Variants in NME7 observed in about 807,000 individuals in gnomAD.
NME7 encodes the protein NME/NM23 family member 7.
Under a neutral mutation model 49.1 loss-of-function variants are expected in NME7, and 41 were observed. That is an observed-to-expected ratio of 0.83 (90% CI 0.65 to 1.08). The LOEUF is 1.08. Ranked by LOEUF, NME7 falls within the 50% of genes least tolerant of loss-of-function variation. The pLI is 0.00. For synonymous variants in NME7, 139 were observed against 150.6 expected, an observed-to-expected ratio of 0.92 and a Z score of 0.56; for missense variants, 423 against 463.4, an observed-to-expected ratio of 0.91 and a Z score of 0.80.
At chr1:169,291,835 T>C (rs888513119) in intron 6 of NME7, among the ~76,000 whole-genome samples, 3 of 151,992 alleles carry the variant, frequency 2.0e-5, no homozygotes, top group Non-Finnish European at 2.9e-5. Context: ...ATTGATATAT[T>C]CATAGTTTTT....
chr1:169,327,262 A>G (rs939282407), intron 1 of NME7, among the ~76,000 whole-genome samples: 22 of 152,244 alleles, frequency 1.4e-4, no homozygotes, highest in Admixed American at 1.0e-3. Flanking sequence ...TCTTCCCTGA[A>G]GATTCCAACT....
chr1:169,204,093 C>A (rs530629072), intron 10 of NME7, among the ~76,000 whole-genome samples: 1 of 151,992 alleles, frequency 6.6e-6, no homozygotes, highest in East Asian at 1.9e-4. Flanking sequence ...TGGCTTCAAG[C>A]AGTCCTCCCA....
At chr1:169,328,879 C>T (rs1652159706) in intron 1 of NME7, among the ~76,000 whole-genome samples, 1 of 151,982 alleles carries the variant, frequency 6.6e-6, no homozygotes, top group South Asian at 2.1e-4. Context: ...ATCATAATAC[C>T]CAAGACTTTT....
chr1:169,300,458 A>G (rs183455290), intron 5 of NME7, among the ~76,000 whole-genome samples: 1 of 152,288 alleles, frequency 6.6e-6, no homozygotes, highest in Non-Finnish European at 1.5e-5. Context: ...CTGATGTAAC[A>G]TTCTTTCTTA....
intron 1 of NME7, among the ~76,000 whole-genome samples, chr1:169,363,936 A>G (rs1653755931): frequency 6.6e-6 from 1 of 152,194 alleles, no homozygotes; most frequent in African/African-American, 2.4e-5. Context: ...ACAGGCAAAA[A>G]CCAAAAACAG....
chr1:169,233,942 CTTCT>C (rs141032506), intron 9 of NME7, among the ~76,000 whole-genome samples: 9,421 of 151,498 alleles, frequency 0.062, 380 homozygotes, highest in East Asian at 0.12. Flanking sequence ...TTCTTTCTTT[CTTCT>C]TTTTCTCTCT....
chr1:169,273,705 T>C (rs1351187130), intron 7 of NME7, among the ~76,000 whole-genome samples: 1 of 121,388 alleles, frequency 8.2e-6, no homozygotes, highest in African/African-American at 2.7e-5. Context: ...AGTGAGAACA[T>C]GCGGTGTTTG....
At chr1:169,142,671 G>A (rs1256524354) in intron 11 of NME7, among the ~76,000 whole-genome samples, 1 of 152,094 alleles carries the variant, frequency 6.6e-6, no homozygotes, top group Non-Finnish European at 1.5e-5. Context: ...TTCCTTCTTT[G>A]GGCAACACAT....
intron 8 of NME7, among the ~76,000 whole-genome samples, chr1:169,236,706 T>C (rs1460439466): frequency 7.1e-6 from 1 of 140,870 alleles, no homozygotes; most frequent in Non-Finnish European, 1.5e-5. Context: ...CTCAATGACT[T>C]TGTAAACTAT....
intron 1 of NME7, among the ~76,000 whole-genome samples, chr1:169,352,705 T>C (rs1653223163): frequency 6.6e-6 from 1 of 152,024 alleles, no homozygotes; most frequent in African/African-American, 2.4e-5. Flanking sequence ...AACTGATAAA[T>C]CCAGTAAAGT....
chr1:169,181,603 T>C (rs1240893564), intron 10 of NME7, among the ~76,000 whole-genome samples: 2 of 152,164 alleles, frequency 1.3e-5, no homozygotes, highest in Non-Finnish European at 2.9e-5. Context: ...AAAATGCTCA[T>C]GTCTCTCCCA....
At chr1:169,232,145 C>T (rs757282968) in intron 9 of NME7, among the ~76,000 whole-genome samples, 7 of 152,050 alleles carry the variant, frequency 4.6e-5, no homozygotes, top group Non-Finnish European at 8.8e-5. Flanking sequence ...GATCCAAATA[C>T]AACGTCTAGA....
intron 7 of NME7, chr1:169,287,076 C>T: frequency 2.2e-6 from 1 of 460,254 alleles, no homozygotes; most frequent in Non-Finnish European, 3.8e-6. Context: ...TGAGCCTGAG[C>T]ATGATCAGCA....
In NME7 at chr1:169,307,153, C is replaced by T. The variant is rs541467485; in HGVS notation, c.389+2817G>A. On this transcript the variant is annotated intron_variant, in intron 4 of 11. Transcript: ENST00000367811. Reference sequence around the variant, plus strand: ...AGATTTTTAGGAGAGAGCTAAAATACGCTATATCGTGACCCTGTGACATAA... The same window carrying T: ...AGATTTTTAGGAGAGAGCTAAAATATGCTATATCGTGACCCTGTGACATAA... Among the ~76,000 whole-genome samples the T allele has an allele frequency of 7.2e-5, 11 of 152,224 alleles. No homozygotes were observed. The East Asian group carries it at 7.7e-4, about 11-fold the overall frequency.
chr1:169,350,481 A>T (rs954267720), intron 1 of NME7, among the ~76,000 whole-genome samples: 1 of 151,954 alleles, frequency 6.6e-6, no homozygotes, highest in African/African-American at 2.4e-5. Context: ...GATCTTGAAG[A>T]AAGCAGGAGT....
At chr1:169,296,237 C>T (rs1650701558) in intron 6 of NME7, among the ~76,000 whole-genome samples, 1 of 152,142 alleles carries the variant, frequency 6.6e-6, no homozygotes, top group Non-Finnish European at 1.5e-5. Flanking sequence ...CAGGGTTTTG[C>T]CTCCACCTCC....
At chr1:169,195,860 A>T (rs746141198) in intron 10 of NME7, among the ~76,000 whole-genome samples, 22 of 151,916 alleles carry the variant, frequency 1.4e-4, no homozygotes, top group Non-Finnish European at 2.9e-4. Context: ...GGAAACAAAA[A>T]ATAAGTGTGT....
At chr1:169,187,453 G>A (rs570201006) in intron 10 of NME7, among the ~76,000 whole-genome samples, 17 of 152,134 alleles carry the variant, frequency 1.1e-4, no homozygotes, top group Non-Finnish European at 2.2e-4. Context: ...TATATATTTA[G>A]GATAGTTAGC....
chr1:169,227,759 A>C (rs1386193513), intron 10 of NME7, among the ~76,000 whole-genome samples: 3 of 152,090 alleles, frequency 2.0e-5, no homozygotes, highest in African/African-American at 7.2e-5. Flanking sequence ...TACCATCAAC[A>C]TATACACATG....
Sources: allele counts gnomAD v4.1 joint callset (sites outside exome capture counted in the v4.1 genomes callset), GRCh38; gene constraint gnomAD v4.1.1; transcripts MANE v1.5; gene names NCBI Gene and HGNC (gene_info 2026-07-23, HGNC 2026-07-21).